The following NF1 variants were observed in gnomAD, a reference collection of about 807,000 sequenced individuals.
NF1 encodes the protein neurofibromin 1.
In NF1, 122 loss-of-function variants were observed where a neutral mutation model predicts 325.7. The observed-to-expected ratio is 0.37, with a 90% CI of 0.32 to 0.44. The LOEUF (loss-of-function observed/expected upper bound fraction) is 0.44. Among genes scored for constraint, NF1 ranks in the 20% least tolerant of loss-of-function variants. The pLI is 1.00. For missense variants in NF1, 2,140 were observed against 3,415.4 expected (o/e 0.63, Z 9.31); for synonymous variants, 1,091 against 1,186.0 (o/e 0.92, Z 1.65).
rs1466167635 is a variant in NF1 at position 31,325,840 on chromosome 17, A to G, written c.4856A>G (p.Asn1619Ser). Residue 1619 changes from asparagine (N) to serine (S), a missense_variant, in exon 37 of 58, where the codon AAT becomes AGT. Physicochemically the swap from Asn to Ser is conservative, Grantham distance 46. This residue lies in a region of NF1 where 103 missense variants were observed against 214.6 expected (regional missense o/e 0.48). Coordinates refer to ENST00000358273, the MANE Select transcript of NF1 (RefSeq NM_001042492.3). ...VARRFKTGQI[N>S]GDLLIYHVLL... is the part of the protein sequence containing the mutation. ...CTTAGGTTCAAAACTGGTCAAATCA[A>G]TGGTGATTTGCTGATATACCATGTC... The G allele has an allele frequency of 1.2e-6, 2 of 1,614,028 alleles. No homozygotes were observed. Among genetic ancestry groups the G allele is most frequent in the South Asian group, 1.1e-5 (1 of 91,074 alleles).
chr17:31,145,237 G>A (rs966636607), intron 1 of NF1, among the ~76,000 whole-genome samples: 1 of 152,172 alleles, frequency 6.6e-6, no homozygotes, highest in Non-Finnish European at 1.5e-5. Flanking sequence ...CTGTTGCCCA[G>A]ACTGGAGTGC....
At chr17:31,158,518 G>A (rs1170083274) in intron 2 of NF1, among the ~76,000 whole-genome samples, 2 of 151,974 alleles carry the variant, frequency 1.3e-5, no homozygotes, top group East Asian at 1.9e-4. Flanking sequence ...TTATATTGGC[G>A]TTCATTTAGT....
Position 31,336,635 on chromosome 17 carries a change from G to A in NF1, c.6148G>A (p.Val2050Ile). Reference sequence around the variant, plus strand: ...AAAAAAAAATCCTGCTTCTTTACAGGTTATTGGAAGGATGTGCAAAATAAT... The same window carrying A: ...AAAAAAAAATCCTGCTTCTTTACAGATTATTGGAAGGATGTGCAAAATAAT... ...SGNVKLVSSK[V>I]IGRMCKIIDK... is the part of the protein sequence containing the mutation. The change falls in exon 42 of 58, where the codon GTT (valine) becomes ATT (isoleucine). Residue 2050 changes from valine (V) to isoleucine (I), a missense_variant and splice_region_variant. This residue lies in a region of NF1 where 180 missense variants were observed against 435.1 expected (regional missense o/e 0.41). Transcript: ENST00000358273. The surrounding 1 kb of genome is among the most constrained non-coding windows in gnomAD (Gnocchi z 5.5). 1.2e-6 allele frequency: 2 copies of A among 1,609,160 alleles called. No individual in the cohort carries two copies. Among genetic ancestry groups the A allele is most frequent in the Non-Finnish European group, 1.7e-6 (2 of 1,177,962 alleles).
chr17:31,265,822 G>A (rs1468083137), intron 36 of NF1, among the ~76,000 whole-genome samples: 2 of 152,130 alleles, frequency 1.3e-5, no homozygotes, highest in Non-Finnish European at 2.9e-5. Flanking sequence ...GGTGCAAGGG[G>A]TGGCCTGGAA....
chr17:31,309,517 G>T (rs1356588495), intron 36 of NF1, among the ~76,000 whole-genome samples: 1 of 152,108 alleles, frequency 6.6e-6, no homozygotes, highest in Non-Finnish European at 1.5e-5. Context: ...AAAAAGGCGG[G>T]GGGACTTCTT....
rs147025966 is a variant in NF1, at chr17:31,255,532, A to G, written c.4173+2532A>G. ...AATTATATTGATTCTGCCATCAGTG[A>G]TACATATATTTATATGATACATGAG... On this transcript the variant is annotated intron_variant, in intron 31 of 57. Transcript: ENST00000358273. Among the ~76,000 whole-genome samples the G allele has an allele frequency of 3.6e-3, 543 of 152,286 alleles. 5 individuals carry two copies. Among genetic ancestry groups the G allele is most frequent in the African/African-American group, 0.012 (516 of 41,554 alleles).
At chr17:31,179,249 C>G (rs2066081271) in intron 5 of NF1, among the ~76,000 whole-genome samples, 1 of 152,166 alleles carries the variant, frequency 6.6e-6, no homozygotes, top group Non-Finnish European at 1.5e-5. Flanking sequence ...GAACAACCTG[C>G]TCCTGAATGA....
chr17:31,296,622 A>G (rs755391761), intron 36 of NF1: 1 of 390,996 alleles, frequency 2.6e-6, no homozygotes, highest in Non-Finnish European at 4.8e-6. Context: ...ATTCTTTCTT[A>G]TTTATCTTTC....
chr17:31,258,657 ATTAG>A (rs1246506709), intron 32 of NF1, among the ~76,000 whole-genome samples, 155 bp downstream of exon 32: 2 of 152,124 alleles, frequency 1.3e-5, no homozygotes, highest in Admixed American at 6.5e-5. Context: ...AAAGGAATTC[ATTAG>A]TTAGGTACCT....
At chr17:31,123,852 C>T (rs969573942) in intron 1 of NF1, among the ~76,000 whole-genome samples, 13 of 152,198 alleles carry the variant, frequency 8.5e-5, no homozygotes, top group African/African-American at 3.1e-4. Context: ...GGCAAGTAGC[C>T]TCCTATTCCA....
At chr17:31,335,343 T>C (rs937539737) in intron 40 of NF1, among the ~76,000 whole-genome samples, 1 of 126,358 alleles carries the variant, frequency 7.9e-6, no homozygotes, top group African/African-American at 3.3e-5. Flanking sequence ...TTTATATATA[T>C]ATTATATAGA....
intron 9 of NF1, 126 bp from the exon 10 acceptor site, chr17:31,200,911 G>A: frequency 7.5e-7 from 1 of 1,329,386 alleles, no homozygotes. Context: ...TGGGTGCTTT[G>A]TGCTTCTTCT....
chr17:31,187,348 G>A (rs541558230), intron 8 of NF1, among the ~76,000 whole-genome samples: 6 of 152,166 alleles, frequency 3.9e-5, no homozygotes, highest in East Asian at 3.9e-4. Context: ...ATAGGTGTGC[G>A]CCACCACGCC....
intron 46 of NF1, among the ~76,000 whole-genome samples, chr17:31,339,968 A>G (rs2069774487): frequency 6.6e-6 from 1 of 152,162 alleles, no homozygotes; most frequent in African/African-American, 2.4e-5. Context: ...TTTCAAAGGA[A>G]TCGAGAGAGG....
intron 34 of NF1, among the ~76,000 whole-genome samples, chr17:31,261,379 C>T (rs568058192): frequency 1.3e-5 from 2 of 151,972 alleles, no homozygotes; most frequent in Non-Finnish European, 2.9e-5. Flanking sequence ...TGTAAAGGGA[C>T]CAAATTCCTA....
intron 36 of NF1, among the ~76,000 whole-genome samples, chr17:31,274,271 G>T (rs1051261909): frequency 1.3e-5 from 2 of 152,078 alleles, no homozygotes; most frequent in African/African-American, 2.4e-5. Context: ...AAGGAATTTT[G>T]TCTTTTGGTC....
chr17:31,249,529 T>C (rs1010068054), intron 30 of NF1, among the ~76,000 whole-genome samples: 1 of 152,228 alleles, frequency 6.6e-6, no homozygotes, highest in African/African-American at 2.4e-5. Flanking sequence ...ATCTGTGATT[T>C]TGGTTTCTTC....
intron 1 of NF1, among the ~76,000 whole-genome samples, chr17:31,108,725 T>C (rs1740993253): frequency 6.6e-6 from 1 of 152,226 alleles, no homozygotes; most frequent in Non-Finnish European, 1.5e-5. Flanking sequence ...TTTATTCTTA[T>C]ACTGACTTTA....
intron 1 of NF1, among the ~76,000 whole-genome samples, chr17:31,118,104 TTA>T (rs752429806): frequency 7.9e-5 from 12 of 152,212 alleles, no homozygotes; most frequent in Non-Finnish European, 1.3e-4. Context: ...CTCTTTTAAT[TTA>T]GTGTTTTATT....
Sources: allele counts gnomAD v4.1 joint callset (sites outside exome capture counted in the v4.1 genomes callset), GRCh38; gene constraint gnomAD v4.1.1; regional missense constraint gnomAD v4.1.1; non-coding constraint Gnocchi (gnomAD v3.1); transcripts MANE v1.5; gene names NCBI Gene and HGNC (gene_info 2026-07-23, HGNC 2026-07-21).